The following ATG3 variants were observed in gnomAD, a reference collection of about 807,000 sequenced individuals.
ATG3 encodes the protein ubiquitin-like-conjugating enzyme ATG3.
In ATG3, 25 loss-of-function variants were observed where a neutral mutation model predicts 50.7. The observed-to-expected ratio is 0.49, with a 90% CI of 0.36 to 0.69. The LOEUF is 0.69. Ranked by LOEUF, ATG3 falls within the 30% of genes least tolerant of loss-of-function variation. ATG3 has a pLI of 0.00. For missense variants in ATG3, 281 were observed against 376.0 expected (o/e 0.75, Z 2.09); for synonymous variants, 119 against 125.5 (o/e 0.95, Z 0.34).
At chr3:112,557,517 C>G (rs1187267930) in intron 2 of ATG3, among the ~76,000 whole-genome samples, 7 of 152,162 alleles carry the variant, frequency 4.6e-5, no homozygotes, top group Admixed American at 3.9e-4. Flanking sequence ...ACTTGGGAGG[C>G]TGAGGCAGGA....
intron 4 of ATG3, 100 bp downstream of exon 4, chr3:112,550,092 T>C (rs1420225633): frequency 4.9e-6 from 4 of 820,678 alleles, no homozygotes; most frequent in Non-Finnish European, 7.6e-6. Flanking sequence ...AAAGAGGTGA[T>C]AAAACTAAGG....
At chr3:112,551,594 T>C (rs1933530937) in intron 3 of ATG3, among the ~76,000 whole-genome samples, 1 of 152,142 alleles carries the variant, frequency 6.6e-6, no homozygotes, top group African/African-American at 2.4e-5. Context: ...TACAAGCCCC[T>C]ACAACAATGC....
intron 2 of ATG3, among the ~76,000 whole-genome samples, chr3:112,556,820 G>A (rs1933696716): frequency 6.6e-6 from 1 of 152,044 alleles, no homozygotes; most frequent in African/African-American, 2.4e-5. Context: ...ACAGATGCTT[G>A]AAGGCAGCAT....
intron 4 of ATG3, 41 bp downstream of exon 4, chr3:112,550,151 C>G (rs149870142): frequency 3.8e-5 from 55 of 1,457,534 alleles, no homozygotes; most frequent in Non-Finnish European, 5.1e-5. Flanking sequence ...TTTAATATAC[C>G]TCTACGCAAA....
intron 2 of ATG3, 36 bp downstream of exon 2, chr3:112,558,340 A>C: frequency 6.6e-7 from 1 of 1,510,704 alleles, no homozygotes; most frequent in Non-Finnish European, 9.0e-7. Flanking sequence ...GTATTATTGT[A>C]AAATAAAAAG....
intron 11 of ATG3, 34 bp downstream of exon 11, chr3:112,534,235 T>C: frequency 6.3e-7 from 1 of 1,592,718 alleles, no homozygotes; most frequent in Non-Finnish European, 8.5e-7. Context: ...TTAACAGCCA[T>C]TTTGCCACTA....
At chr3:112,561,317 C>A (rs761073723) in intron 1 of ATG3, 140 bp downstream of exon 1, 3 of 834,378 alleles carry the variant, frequency 3.6e-6, no homozygotes, top group Non-Finnish European at 5.9e-6. Context: ...CGGGTGGGGG[C>A]TGCACACTTC....
chr3:112,561,549 C>A lies in ATG3; in HGVS notation c.-21G>T, dbSNP rs11547151. ...TGCATCCTGGGGCCGGAGTAGCGGC[C>A]GGCCCCGCGACGGGATGGAAAGTGC... On this transcript the variant is annotated 5_prime_UTR_variant, in exon 1 of 12. Coordinates refer to ENST00000283290, the MANE Select transcript of ATG3 (RefSeq NM_022488.5). The A allele has an allele frequency of 6.3e-7, 1 of 1,583,706 alleles. No individual in the cohort carries two copies. The highest frequency in any genetic ancestry group is 1.1e-5 in the South Asian group (1 of 89,176).
At chr3:112,556,300 G>T (rs1933677293) in intron 2 of ATG3, among the ~76,000 whole-genome samples, 1 of 151,524 alleles carries the variant, frequency 6.6e-6, no homozygotes, top group African/African-American at 2.4e-5. Context: ...GCCTCTGCCT[G>T]GCCGCCCCTA....
intron 5 of ATG3, among the ~76,000 whole-genome samples, chr3:112,544,633 G>A (rs1262185726): frequency 1.9e-5 from 2 of 106,870 alleles, no homozygotes; most frequent in African/African-American, 3.2e-5. Context: ...CAGCCTGGGC[G>A]ACAAGAGCGA....
At chr3:112,537,970 T>A in intron 8 of ATG3, 80 bp from the exon 9 acceptor site, 1 of 1,393,948 alleles carries the variant, frequency 7.2e-7, no homozygotes, top group Non-Finnish European at 9.8e-7. Flanking sequence ...TTTTTTCCAT[T>A]CTATATTTTG....
chr3:112,534,394 A>G, intron 10 of ATG3, 57 bp from the exon 11 acceptor site: 1 of 1,394,908 alleles, frequency 7.2e-7, no homozygotes, highest in Non-Finnish European at 9.6e-7. Flanking sequence ...CGAAAGAAGA[A>G]AAACATATTT....
At chr3:112,540,370 A>ATC (rs767793145) in intron 7 of ATG3, among the ~76,000 whole-genome samples, 6 of 152,170 alleles carry the variant, frequency 3.9e-5, no homozygotes, top group Non-Finnish European at 7.3e-5. Flanking sequence ...AACACAATCT[A>ATC]TCTCACTCTA....
At chr3:112,559,853 C>A (rs779696403) in intron 1 of ATG3, among the ~76,000 whole-genome samples, 4 of 152,184 alleles carry the variant, frequency 2.6e-5, no homozygotes, top group African/African-American at 4.8e-5. Context: ...GTACATACTC[C>A]AAACAAAACA....
intron 5 of ATG3, among the ~76,000 whole-genome samples, chr3:112,545,992 G>A (rs1325690539): frequency 6.6e-6 from 1 of 152,112 alleles, no homozygotes; most frequent in Non-Finnish European, 1.5e-5. Flanking sequence ...AAAAGACTGA[G>A]GTCCTCCAGA....
intron 1 of ATG3, 63 bp downstream of exon 1, chr3:112,561,394 C>CGCCT: frequency 3.9e-6 from 6 of 1,542,738 alleles, no homozygotes; most frequent in Non-Finnish European, 5.4e-6. Context: ...ACTCCTGCGG[C>CGCCT]GCCTGGTCCC....
intron 3 of ATG3, among the ~76,000 whole-genome samples, chr3:112,551,539 G>A (rs537290822): frequency 6.6e-6 from 1 of 152,008 alleles, no homozygotes; most frequent in South Asian, 2.1e-4. Flanking sequence ...TCATAAAATG[G>A]AATAAAACTA....
At chr3:112,554,454 A>G (rs35529363) in intron 2 of ATG3, among the ~76,000 whole-genome samples, 10,304 of 152,262 alleles carry the variant, frequency 0.068, 442 homozygotes, top group Admixed American at 0.12. Context: ...CCCCCTGCCC[A>G]CAAAACATTG....
intron 9 of ATG3, 71 bp from the exon 10 acceptor site, chr3:112,536,673 G>A (rs751447645): frequency 5.2e-4 from 799 of 1,536,206 alleles, no homozygotes; most frequent in Non-Finnish European, 6.9e-4. Context: ...TGTAATCCCA[G>A]CACTGTGGGA....
Sources: allele counts gnomAD v4.1 joint callset (sites outside exome capture counted in the v4.1 genomes callset), GRCh38; gene constraint gnomAD v4.1.1; transcripts MANE v1.5; gene names NCBI Gene and HGNC (gene_info 2026-07-23, HGNC 2026-07-21).